The following TANGO6 variants were observed in gnomAD, a reference collection of about 807,000 sequenced individuals.
TANGO6 encodes transport and Golgi organization protein 6 homolog.
TANGO6 carries 90 observed loss-of-function variants against 114.2 expected under a neutral mutation model. The observed-to-expected ratio is 0.79, with a 90% confidence interval of 0.66 to 0.94. The LOEUF (loss-of-function observed/expected upper bound fraction) is 0.94. Among genes scored for constraint, TANGO6 ranks in the 40% least tolerant of loss-of-function variants. The pLI is 0.00. For synonymous variants in TANGO6, 477 were observed against 509.8 expected (o/e 0.94, Z 0.87); for missense variants, 1,274 against 1,315.3 (o/e 0.97, Z 0.49).
intron 17 of TANGO6, among the ~76,000 whole-genome samples, chr16:69,063,883 C>G (rs1960175579): frequency 1.3e-5 from 2 of 150,704 alleles, no homozygotes. Flanking sequence ...GTCGCCCAGA[C>G]TGGAGTGCAA....
At chr16:68,931,191 C>T (rs981532132) in intron 14 of TANGO6, among the ~76,000 whole-genome samples, 39 of 152,114 alleles carry the variant, frequency 2.6e-4, no homozygotes, top group Non-Finnish European at 2.9e-5. Context: ...GCTCCATCAG[C>T]GAGGTACAGT....
At chr16:69,022,668 C>T (rs918173547) in intron 15 of TANGO6, among the ~76,000 whole-genome samples, 160 bp from the exon 16 acceptor site, 3 of 151,536 alleles carry the variant, frequency 2.0e-5, no homozygotes, top group Non-Finnish European at 4.4e-5. Flanking sequence ...TGTGCCACTG[C>T]ACTCCAGTCT....
chr16:68,984,907 T>C (rs1963876292), intron 15 of TANGO6, among the ~76,000 whole-genome samples: 1 of 152,198 alleles, frequency 6.6e-6, no homozygotes, highest in African/African-American at 2.4e-5. Context: ...CATTTTGATG[T>C]ATTTTCTTCA....
At chr16:68,858,543 T>C (rs1962036918) in intron 1 of TANGO6, among the ~76,000 whole-genome samples, 1 of 152,220 alleles carries the variant, frequency 6.6e-6, no homozygotes, top group Non-Finnish European at 1.5e-5. Flanking sequence ...TAAACCTTCT[T>C]TCTTTTCTTT....
chr16:68,849,217 C>A (rs2152149516), intron 1 of TANGO6, among the ~76,000 whole-genome samples: 1 of 152,258 alleles, frequency 6.6e-6, no homozygotes, highest in South Asian at 2.1e-4. Flanking sequence ...CTCCTGTAAT[C>A]CTAGCTACTT....
At chr16:68,928,366 G>A (rs1342877859) in intron 13 of TANGO6, among the ~76,000 whole-genome samples, 1 of 143,926 alleles carries the variant, frequency 6.9e-6, no homozygotes, top group Non-Finnish European at 1.5e-5. Context: ...GTGCAGTGGT[G>A]CAATCTCGGC....
intron 14 of TANGO6, among the ~76,000 whole-genome samples, chr16:68,968,016 A>C (rs1418557930): frequency 1.3e-5 from 2 of 152,002 alleles, no homozygotes; most frequent in Admixed American, 6.6e-5. Flanking sequence ...AGAAAAAAAA[A>C]CAGTTATTTT....
intron 11 of TANGO6, among the ~76,000 whole-genome samples, chr16:68,914,021 CAAT>C (rs1342793440): frequency 4.6e-5 from 7 of 152,288 alleles, no homozygotes; most frequent in Admixed American, 3.9e-4. Context: ...GCATCCTCAA[CAAT>C]GAGGCCTCCA....
Position 68,863,050 on chromosome 16 carries a change from G to A in TANGO6, c.841G>A (p.Gly281Arg), listed in dbSNP as rs962508506. ...CCGGGAACTGCTTATCCTCCAGGGA[G>A]GACCACCCCAGGTACTCAGGCCTAG... ...AVRELLILQGGPPQSCTDVKT... is the reference protein window; with the variant it reads ...AVRELLILQGRPPQSCTDVKT... Residue 281 changes from glycine to arginine, a missense_variant, in exon 3 of 18, where the codon GGA becomes AGA. Gly to Arg is a moderately radical substitution (Grantham distance 125). This residue lies in a region of TANGO6 where 908 missense variants were observed against 910.2 expected (regional missense o/e 1.00). Transcript: ENST00000261778. The A allele has an allele frequency of 2.8e-5, 44 of 1,571,924 alleles. No individual in the cohort carries two copies. The highest frequency in any genetic ancestry group is 3.8e-5 in the Non-Finnish European group (44 of 1,158,836).
chr16:69,067,187 G>A (rs1597078165), intron 17 of TANGO6, among the ~76,000 whole-genome samples: 1 of 152,262 alleles, frequency 6.6e-6, no homozygotes, highest in East Asian at 1.9e-4. Context: ...ATGAGCTACT[G>A]TGCCTGGCCT....
intron 17 of TANGO6, among the ~76,000 whole-genome samples, chr16:69,057,082 A>G (rs1034032985): frequency 3.2e-4 from 42 of 129,284 alleles, no homozygotes; most frequent in Admixed American, 2.2e-3. Context: ...GATCTGGCTC[A>G]CTGCAAGCTC....
chr16:69,013,346 C>A (rs1053650857), intron 15 of TANGO6, among the ~76,000 whole-genome samples: 18 of 152,066 alleles, frequency 1.2e-4, no homozygotes, highest in African/African-American at 4.3e-4. Flanking sequence ...CACAGTGGCT[C>A]ACACCTGTAA....
intron 14 of TANGO6, among the ~76,000 whole-genome samples, chr16:68,940,594 CT>C (rs1963342798): frequency 6.6e-6 from 1 of 151,912 alleles, no homozygotes; most frequent in South Asian, 2.1e-4. Flanking sequence ...GTTTGGTGAA[CT>C]TTCTATGTGG....
intron 14 of TANGO6, chr16:68,937,776 A>C (rs145013274): frequency 2.9e-4 from 44 of 152,276 alleles, no homozygotes; most frequent in African/African-American, 9.9e-4. Flanking sequence ...TTATTTATCC[A>C]GCTCATTAAT....
intron 4 of TANGO6, among the ~76,000 whole-genome samples, chr16:68,870,920 A>G (rs1945483998): frequency 6.7e-6 from 1 of 150,268 alleles, no homozygotes; most frequent in Admixed American, 6.6e-5. Flanking sequence ...AGCTGGGATT[A>G]CAGGTGCCAG....
At chr16:68,980,847 T>C (rs1438933849) in intron 15 of TANGO6, among the ~76,000 whole-genome samples, 1 of 151,786 alleles carries the variant, frequency 6.6e-6, no homozygotes, top group Non-Finnish European at 1.5e-5. Context: ...AATACAAAAT[T>C]AGCCAGGCAT....
chr16:68,844,562 C>A (rs1180317805), intron 1 of TANGO6, among the ~76,000 whole-genome samples: 2 of 152,084 alleles, frequency 1.3e-5, no homozygotes, highest in African/African-American at 4.8e-5. Context: ...CATGAAAGGC[C>A]AAAGGGGATC....
chr16:68,955,503 CATACTT>C (rs1216738019), intron 14 of TANGO6, among the ~76,000 whole-genome samples: 2 of 152,200 alleles, frequency 1.3e-5, no homozygotes, highest in Non-Finnish European at 2.9e-5. Flanking sequence ...ATCTTTCACT[CATACTT>C]ATTAGAAGCT....
At chr16:68,902,239 C>T in intron 8 of TANGO6, 89 bp from the exon 9 acceptor site, 1 of 1,311,958 alleles carries the variant, frequency 7.6e-7, no homozygotes, top group Non-Finnish European at 1.0e-6. Flanking sequence ...TGCAGTGGAA[C>T]CTGACAGCCT....
Sources: allele counts gnomAD v4.1 joint callset (sites outside exome capture counted in the v4.1 genomes callset), GRCh38; gene constraint gnomAD v4.1.1; regional missense constraint gnomAD v4.1.1; transcripts MANE v1.5; gene names NCBI Gene and HGNC (gene_info 2026-07-23, HGNC 2026-07-21).